CSGALNACT2: variants seen among roughly 807,000 people sequenced by gnomAD.
CSGALNACT2 encodes the protein chondroitin sulfate N-acetylgalactosaminyltransferase 2, also known as beta 4 GalNAcT-2.
Under a neutral mutation model 55.3 loss-of-function variants are expected in CSGALNACT2, and 35 were observed. The observed-to-expected ratio is 0.63, with a 90% CI of 0.48 to 0.84. The LOEUF (loss-of-function observed/expected upper bound fraction) is 0.84. CSGALNACT2 is among the 40% of genes least tolerant of loss of function. CSGALNACT2 has a pLI of 0.00. For missense variants in CSGALNACT2, 544 were observed against 657.5 expected (o/e 0.83, Z 1.89); for synonymous variants, 196 against 224.9 (o/e 0.87, Z 1.15).
At chr10:43,179,806 G>A (rs964862920) in intron 7 of CSGALNACT2, among the ~76,000 whole-genome samples, 3 of 152,144 alleles carry the variant, frequency 2.0e-5, no homozygotes, top group Non-Finnish European at 2.9e-5. Context: ...TTTAGCTGTT[G>A]CCCTCCTGGA....
intron 5 of CSGALNACT2, 51 bp from the exon 6 acceptor site, chr10:43,166,948 AAGAAC>A: frequency 9.5e-7 from 1 of 1,047,712 alleles, no homozygotes; most frequent in South Asian, 1.4e-5. Flanking sequence ...TATTGCAATA[AAGAAC>A]AGTTCTTCAT....
At position 43,173,724 on chromosome 10, in the gene CSGALNACT2, G is replaced by A. The variant is rs1839425450; in HGVS notation, c.1255-2227G>A. Among the ~76,000 whole-genome samples the A allele has an allele frequency of 2.0e-5, 3 of 152,150 alleles. No homozygotes were observed. The South Asian group carries it at 6.2e-4, about 32-fold the overall frequency. Reference sequence around the variant, plus strand: ...TAAGAATATTAGAGACAGGAGTGGTGGCTCACACGTGTAATCCGAGCACTT... The same window carrying A: ...TAAGAATATTAGAGACAGGAGTGGTAGCTCACACGTGTAATCCGAGCACTT... On this transcript the variant is annotated intron_variant, in intron 6 of 7. Coordinates refer to ENST00000374466, the MANE Select transcript of CSGALNACT2 (RefSeq NM_018590.5).
At chr10:43,141,715 A>G (rs1838630525) in intron 1 of CSGALNACT2, among the ~76,000 whole-genome samples, 1 of 151,460 alleles carries the variant, frequency 6.6e-6, no homozygotes, top group Admixed American at 6.6e-5. Flanking sequence ...TACATCTAAT[A>G]GGAGTTCCAG....
intron 1 of CSGALNACT2, among the ~76,000 whole-genome samples, chr10:43,139,665 T>C (rs976500435): frequency 5.9e-5 from 9 of 152,246 alleles, no homozygotes; most frequent in Admixed American, 2.6e-4. Flanking sequence ...GTCAGTTATA[T>C]CCTTGTTTTC....
chr10:43,168,474 T>G (rs1839313769), intron 6 of CSGALNACT2, among the ~76,000 whole-genome samples: 1 of 151,568 alleles, frequency 6.6e-6, no homozygotes, highest in Non-Finnish European at 1.5e-5. Context: ...AAAAAAAAGG[T>G]GGAAGCTCTG....
At chr10:43,172,954 G>A (rs957963461) in intron 6 of CSGALNACT2, among the ~76,000 whole-genome samples, 2 of 152,222 alleles carry the variant, frequency 1.3e-5, no homozygotes, top group Non-Finnish European at 2.9e-5. Flanking sequence ...TTCCTAGGGT[G>A]TTTGGAGCAC....
At chr10:43,154,844 T>C (rs1438790452) in intron 1 of CSGALNACT2, 53 bp from the exon 2 acceptor site, 1 of 275,672 alleles carries the variant, frequency 3.6e-6, no homozygotes, top group Non-Finnish European at 6.8e-6. Flanking sequence ...ACAAACAAAT[T>C]TGATATCCTT....
Position 43,175,944 on chromosome 10 carries a change from A to G in CSGALNACT2, c.1255-7A>G. 6.3e-7 allele frequency: 1 copy of G among 1,586,346 alleles called. No homozygotes were observed. Among genetic ancestry groups the G allele is most frequent in the Non-Finnish European group, 8.5e-7 (1 of 1,170,736 alleles). On this transcript the variant is annotated splice_region_variant and splice_polypyrimidine_tract_variant and intron_variant, in intron 6 of 7. Transcript: ENST00000374466. The stretch of plus-strand genomic sequence containing the variant: ...AATTGTTTTCTGTTTTTTTTTTTTT[A>G]ACTAAGGTTCACAAAAAGGATTCTG...
chr10:43,178,494 G>T (rs1051278836), intron 7 of CSGALNACT2, among the ~76,000 whole-genome samples: 1 of 151,796 alleles, frequency 6.6e-6, no homozygotes, highest in East Asian at 1.9e-4. Context: ...GGTGGCAGGC[G>T]CCTGTAGTCC....
Position 43,161,815 on chromosome 10 carries a change from C to G in CSGALNACT2, c.980+1220C>G, listed in dbSNP as rs185858113. ...TTAGTTCCTACTTAATTCACAGGACCTCTTCTCTATCTCTTCCTTGCTACT... is the reference window on the plus strand; with the variant it reads ...TTAGTTCCTACTTAATTCACAGGACGTCTTCTCTATCTCTTCCTTGCTACT... On this transcript the variant is annotated intron_variant, in intron 4 of 7. Transcript: ENST00000374466. Among the ~76,000 whole-genome samples the G allele has an allele frequency of 1.6e-4, 24 of 152,262 alleles. No individual in the cohort carries two copies. In the East Asian group the frequency reaches 4.0e-3, roughly 26 times the overall value.
rs201200053 is a variant in CSGALNACT2, at chr10:43,167,440, TAAATC to T, written c.1254+343_1254+347del. ...TTTAAAAACCCTACTAACTAGAAAT[TAAATC>T]TACTCTGCTAAATAAGAGGGAATAG... On this transcript the variant is annotated intron_variant, in intron 6 of 7. Coordinates refer to ENST00000374466, the MANE Select transcript of CSGALNACT2 (RefSeq NM_018590.5). Among the ~76,000 whole-genome samples the T allele has an allele frequency of 8.2e-4, 125 of 151,640 alleles. 3 individuals are homozygous for T. The East Asian group carries it at 0.023, about 28-fold the overall frequency.
In CSGALNACT2 at chr10:43,154,968, GA is replaced by G; in HGVS notation, c.-179del. The G allele has an allele frequency of 1.7e-6, 1 of 588,520 alleles. No individual in the cohort carries two copies. Among genetic ancestry groups the G allele is most frequent in the Non-Finnish European group, 3.0e-6 (1 of 332,716 alleles). The allele number at this position is 588,520 out of a possible 1,614,324, so 36.5% of individuals were successfully genotyped here. A position where few individuals can be genotyped will look rare whatever the true frequency, so the allele number is the denominator to read the frequency against. On this transcript the variant is annotated 5_prime_UTR_variant, in exon 2 of 8. The change creates a premature stop within an existing upstream ORF in the 5' untranslated region. Coordinates refer to ENST00000374466, the MANE Select transcript of CSGALNACT2 (RefSeq NM_018590.5). The stretch of plus-strand genomic sequence containing the variant: ...TTCTGGATATCATGGTAACAATACA[GA>G]AAGTATACATAATTTCCCATTTCTG...
chr10:43,159,225 A>T (rs192567580), intron 3 of CSGALNACT2, among the ~76,000 whole-genome samples: 1 of 152,186 alleles, frequency 6.6e-6, no homozygotes, highest in African/African-American at 2.4e-5. Flanking sequence ...TAAAAAATCA[A>T]CTTTACTAAG....
At position 43,183,791 on chromosome 10, in the gene CSGALNACT2, G is replaced by A. The variant is rs1839639594; in HGVS notation, c.*249G>A. 1 of 489,878 alleles carries A rather than the reference G, an allele frequency of 2.0e-6. No homozygotes were observed. The highest frequency in any genetic ancestry group is 3.7e-6 in the Non-Finnish European group (1 of 270,412). The allele number at this position is 489,878 out of a possible 1,614,324, so 30.3% of individuals were successfully genotyped here. A position where few individuals can be genotyped will look rare whatever the true frequency, so the allele number is the denominator to read the frequency against. ...TTGAAATCTCATATTTGTCCCAAAA[G>A]TTGTTTTGAGTTAGTTCTACCTGGT... On this transcript the variant is annotated 3_prime_UTR_variant, in exon 8 of 8. Transcript: ENST00000374466.
At chr10:43,179,437 T>G (rs1839548696) in intron 7 of CSGALNACT2, among the ~76,000 whole-genome samples, 1 of 152,150 alleles carries the variant, frequency 6.6e-6, no homozygotes, top group Non-Finnish European at 1.5e-5. Context: ...CTGGACTATT[T>G]TAACAAATTA....
chr10:43,147,254 C>T (rs948565161), intron 1 of CSGALNACT2, among the ~76,000 whole-genome samples: 1 of 152,082 alleles, frequency 6.6e-6, no homozygotes, highest in Non-Finnish European at 1.5e-5. Flanking sequence ...GGATTACAGG[C>T]GTGAGCCACC....
At chr10:43,141,654 AAGTG>A (rs985267787) in intron 1 of CSGALNACT2, among the ~76,000 whole-genome samples, 1 of 146,780 alleles carries the variant, frequency 6.8e-6, no homozygotes, top group African/African-American at 2.5e-5. Flanking sequence ...AAAAAAAAGA[AAGTG>A]GGAAAGACTA....
At chr10:43,150,004 T>C (rs545532179) in intron 1 of CSGALNACT2, among the ~76,000 whole-genome samples, 2 of 151,966 alleles carry the variant, frequency 1.3e-5, no homozygotes, top group Non-Finnish European at 2.9e-5. Context: ...GAGGCGGAGG[T>C]TGCGGTGAGC....
intron 1 of CSGALNACT2, among the ~76,000 whole-genome samples, chr10:43,139,554 C>T (rs906668605): frequency 6.6e-6 from 1 of 152,188 alleles, no homozygotes; most frequent in Non-Finnish European, 1.5e-5. Flanking sequence ...TTGTACAGCT[C>T]AATGAATTTT....
Sources: gnomAD v4.1 joint callset for allele counts (sites outside exome capture counted in the v4.1 genomes callset) on GRCh38, gnomAD v4.1.1 for gene constraint, MANE v1.5 for transcripts, NCBI Gene and HGNC (gene_info 2026-07-23, HGNC 2026-07-21) for gene names.